LRP1B: variants seen among roughly 807,000 people sequenced by gnomAD.
The protein encoded by LRP1B is LDL receptor related protein 1B, also known as low-density lipoprotein receptor-related protein 1B.
In LRP1B, 217 loss-of-function variants were observed where a neutral mutation model predicts 556.6. That is an observed-to-expected ratio of 0.39 (90% CI 0.35 to 0.44). LRP1B has a LOEUF of 0.44. Ranked by LOEUF, LRP1B falls within the 20% of genes least tolerant of loss-of-function variation. The pLI is 1.00. For synonymous variants in LRP1B, 2,047 were observed against 1,865.8 expected, an observed-to-expected ratio of 1.10 and a Z score of -2.50; for missense variants, 5,053 against 5,620.8, an observed-to-expected ratio of 0.90 and a Z score of 3.23.
chr2:140,545,454 G>C (rs1680295081), intron 43 of LRP1B, among the ~76,000 whole-genome samples: 2 of 151,918 alleles, frequency 1.3e-5, no homozygotes, highest in South Asian at 2.1e-4. Context: ...TTTTGAGTCA[G>C]TTTTTGTATA....
intron 12 of LRP1B, among the ~76,000 whole-genome samples, chr2:141,016,363 T>C (rs1374978407): frequency 6.6e-6 from 1 of 152,132 alleles, no homozygotes; most frequent in East Asian, 1.9e-4. Flanking sequence ...TACTCCAGAC[T>C]TTATTTAATC....
intron 2 of LRP1B, among the ~76,000 whole-genome samples, chr2:141,560,355 TAGTACTTA>T (rs1271281518): frequency 6.6e-6 from 1 of 151,788 alleles, no homozygotes; most frequent in East Asian, 1.9e-4. Context: ...ATCTCTGCAT[TAGTACTTA>T]AATAGCTAAA....
chr2:141,331,586 T>C (rs943850158), intron 3 of LRP1B, among the ~76,000 whole-genome samples: 4 of 141,498 alleles, frequency 2.8e-5, no homozygotes, highest in African/African-American at 1.1e-4. Flanking sequence ...TCTAATCTTA[T>C]AAAGAGACTG....
intron 43 of LRP1B, among the ~76,000 whole-genome samples, chr2:140,566,716 T>C (rs182133982): frequency 6.6e-6 from 1 of 152,246 alleles, no homozygotes; most frequent in East Asian, 1.9e-4. Context: ...GGGAAACTGT[T>C]CCTTGGCCTC....
intron 2 of LRP1B, among the ~76,000 whole-genome samples, chr2:141,680,635 C>T (rs1691068161): frequency 6.6e-6 from 1 of 152,020 alleles, no homozygotes; most frequent in Non-Finnish European, 1.5e-5. Context: ...GGCACATCCA[C>T]AAAAATAGAG....
chr2:140,594,781 T>C (rs544878408), intron 43 of LRP1B, among the ~76,000 whole-genome samples: 2 of 152,222 alleles, frequency 1.3e-5, no homozygotes, highest in Admixed American at 6.5e-5. Flanking sequence ...AAAATAAATG[T>C]TCCCTTCTGT....
intron 30 of LRP1B, 104 bp from the exon 31 acceptor site, chr2:140,840,189 C>A (rs763368562): frequency 1.2e-5 from 8 of 640,820 alleles, no homozygotes; most frequent in Admixed American, 7.6e-5. Context: ...ATATTCTTGA[C>A]TCAGGATTAA....
intron 20 of LRP1B, among the ~76,000 whole-genome samples, chr2:140,945,143 T>C (rs1594154): frequency 0.89 from 135,945 of 152,132 alleles, 61,087 homozygotes; most frequent in East Asian, 1. Flanking sequence ...AATACAATCC[T>C]ATTTACAATA....
intron 7 of LRP1B, among the ~76,000 whole-genome samples, chr2:141,093,593 A>C (rs1700224174): frequency 6.6e-6 from 1 of 152,064 alleles, no homozygotes; most frequent in Non-Finnish European, 1.5e-5. Flanking sequence ...TGCTGTGCAA[A>C]CACAGAGCTG....
intron 1 of LRP1B, among the ~76,000 whole-genome samples, chr2:142,070,851 A>T (rs1705287626): frequency 6.6e-6 from 1 of 151,956 alleles, no homozygotes; most frequent in South Asian, 2.1e-4. Flanking sequence ...AATATATTAC[A>T]TACATTGTAC....
At chr2:140,707,398 T>A (rs1211351214) in intron 37 of LRP1B, among the ~76,000 whole-genome samples, 1 of 152,010 alleles carries the variant, frequency 6.6e-6, no homozygotes, top group Admixed American at 6.6e-5. Flanking sequence ...CTGCAAAAAG[T>A]AAGAGAAACA....
chr2:141,603,358 A>C (rs972360893), intron 2 of LRP1B, among the ~76,000 whole-genome samples: 2 of 152,172 alleles, frequency 1.3e-5, no homozygotes, highest in African/African-American at 4.8e-5. Flanking sequence ...GTTTGTGTAA[A>C]AGCTCAAGTA....
At chr2:140,976,547 G>T (rs1240060745) in intron 18 of LRP1B, among the ~76,000 whole-genome samples, 1 of 102,010 alleles carries the variant, frequency 9.8e-6, no homozygotes, top group African/African-American at 4.0e-5. Flanking sequence ...CACTCTTGTT[G>T]CCCAGGCTGG....
chr2:140,908,796 A>T (rs985822021), intron 21 of LRP1B, among the ~76,000 whole-genome samples: 1 of 152,096 alleles, frequency 6.6e-6, no homozygotes, highest in African/African-American at 2.4e-5. Flanking sequence ...GTTCATTGTT[A>T]TTTTTGTTTT....
At chr2:141,713,422 CT>C (rs1692443982) in intron 2 of LRP1B, among the ~76,000 whole-genome samples, 1 of 152,288 alleles carries the variant, frequency 6.6e-6, no homozygotes, top group South Asian at 2.1e-4. Context: ...CAAATGAACA[CT>C]CCTTTAAATA....
At chr2:141,549,178 A>G (rs1466873153) in intron 2 of LRP1B, among the ~76,000 whole-genome samples, 3 of 152,194 alleles carry the variant, frequency 2.0e-5, no homozygotes, top group Admixed American at 1.3e-4. Flanking sequence ...TCTTAATTCT[A>G]TGAATTGGAA....
At chr2:141,069,001 T>C (rs1402895191) in intron 7 of LRP1B, among the ~76,000 whole-genome samples, 1 of 152,068 alleles carries the variant, frequency 6.6e-6, no homozygotes, top group Non-Finnish European at 1.5e-5. Flanking sequence ...CAGTAGTCTC[T>C]AGAGAAAATA....
rs74671019 is a variant in LRP1B at position 141,806,632 on chromosome 2, T to A, written c.205+3647A>T. 8.5e-3 allele frequency among the ~76,000 whole-genome samples: 1,291 copies of A among 152,126 alleles called. 17 individuals are homozygous for A. Among genetic ancestry groups the A allele is most frequent in the African/African-American group, 0.029 (1,222 of 41,536 alleles). ...TAAATTTTAACTCCTGCTTCATGAA[T>A]ACTAGAGAATACCCTAGATCCTGGG... is the stretch of plus-strand genomic sequence containing the variant. On this transcript the variant is annotated intron_variant, in intron 2 of 90. Coordinates refer to ENST00000389484, the MANE Select transcript of LRP1B (RefSeq NM_018557.3).
chr2:141,035,768 G>T (rs923335556), intron 11 of LRP1B, among the ~76,000 whole-genome samples: 3 of 151,932 alleles, frequency 2.0e-5, no homozygotes, highest in African/African-American at 7.2e-5. Flanking sequence ...TACAAAATGA[G>T]CTTATTGAAA....
Sources: allele counts gnomAD v4.1 joint callset (sites outside exome capture counted in the v4.1 genomes callset), GRCh38; gene constraint gnomAD v4.1.1; transcripts MANE v1.5; gene names NCBI Gene and HGNC (gene_info 2026-07-23, HGNC 2026-07-21).